STAMBPL1: variants seen among roughly 807,000 people sequenced by gnomAD.
STAMBPL1 encodes the protein AMSH-like protease.
In STAMBPL1, 44 loss-of-function variants were observed where a neutral mutation model predicts 52.9. That is an observed-to-expected ratio of 0.83 (90% CI 0.65 to 1.07). The LOEUF (loss-of-function observed/expected upper bound fraction) is 1.07. STAMBPL1 is among the 50% of genes least tolerant of loss of function. The pLI, the probability that STAMBPL1 is intolerant of heterozygous loss-of-function variation, is 0.00. For missense variants in STAMBPL1, 511 were observed against 520.8 expected, an observed-to-expected ratio of 0.98 and a Z score of 0.18; for synonymous variants, 164 against 177.3, an observed-to-expected ratio of 0.92 and a Z score of 0.60.
chr10:88,913,938 T>G (rs1845301357), intron 6 of STAMBPL1, among the ~76,000 whole-genome samples: 1 of 152,188 alleles, frequency 6.6e-6, no homozygotes, highest in Non-Finnish European at 1.5e-5. Flanking sequence ...ATGGACCGTG[T>G]GTTTCCGCAA....
chr10:88,918,708 G>A (rs555739188), intron 8 of STAMBPL1, among the ~76,000 whole-genome samples: 32 of 152,028 alleles, frequency 2.1e-4, no homozygotes, highest in Admixed American at 1.5e-3. Flanking sequence ...CTTATTTAGC[G>A]TAACATGATT....
At position 88,908,686 on chromosome 10, in the gene STAMBPL1, G is replaced by A. The variant is rs755591685; in HGVS notation, c.249-16G>A. On this transcript the variant is annotated splice_polypyrimidine_tract_variant and intron_variant, in intron 3 of 10. Transcript: ENST00000371926. ...TGCTGTCACATAATGCTAAGGACATGTTTTCTCTTCCTTAGCTTATTTGTA... is the reference window on the plus strand; with the variant it reads ...TGCTGTCACATAATGCTAAGGACATATTTTCTCTTCCTTAGCTTATTTGTA... The A allele has an allele frequency of 5.6e-6, 9 of 1,604,802 alleles. No individual in the cohort carries two copies. In the East Asian group the frequency reaches 1.8e-4, roughly 32 times the overall value.
chr10:88,914,681 T>TAAATATATATATAC (rs750932960), intron 7 of STAMBPL1, 23 bp downstream of exon 7: 2 of 948,268 alleles, frequency 2.1e-6, no homozygotes, highest in Non-Finnish European at 2.7e-6. Flanking sequence ...TATATAAATA[T>TAAATATATATATAC]ATATATATAT....
chr10:88,901,833 G>C, intron 2 of STAMBPL1, 95 bp downstream of exon 2: 1 of 1,272,468 alleles, frequency 7.9e-7, no homozygotes, highest in Non-Finnish European at 1.1e-6. Context: ...ATTACTTTAA[G>C]AAGTTTAGCA....
Position 88,892,356 on chromosome 10 carries a change from G to A in STAMBPL1, c.-53-9300G>A, listed in dbSNP as rs960373975. 2.2e-3 allele frequency among the ~76,000 whole-genome samples: 109 copies of A among 48,910 alleles called. 4 individuals carry two copies. In the Admixed American group the frequency reaches 0.026, roughly 12 times the overall value. 32.1% of individuals were successfully genotyped at this position (48,910 alleles called of 152,430 possible). A position where few individuals can be genotyped will look rare whatever the true frequency, so the allele number is the denominator to read the frequency against. ...TGTGTCTGTGTGTGTGCGTGTGCGT[G>A]TGTGTGTGTGTGTGTGTGTGTGGCC... is the stretch of plus-strand genomic sequence containing the variant. On this transcript the variant is annotated intron_variant, in intron 1 of 10. Transcript: ENST00000371926.
At chr10:88,917,004 G>T (rs981245001) in intron 8 of STAMBPL1, among the ~76,000 whole-genome samples, 187 bp downstream of exon 8, 10 of 152,032 alleles carry the variant, frequency 6.6e-5, no homozygotes, top group African/African-American at 2.4e-4. Flanking sequence ...AAAAATAAAG[G>T]TCATCATATT....
intron 8 of STAMBPL1, 88 bp downstream of exon 8, chr10:88,916,905 GCTT>G (rs2133208089): frequency 1.3e-5 from 17 of 1,309,076 alleles, no homozygotes; most frequent in Non-Finnish European, 1.6e-5. Context: ...CATTTAAATA[GCTT>G]CTTCTTTTTA....
intron 1 of STAMBPL1, among the ~76,000 whole-genome samples, chr10:88,900,305 G>A (rs978500039): frequency 6.6e-6 from 1 of 152,184 alleles, no homozygotes; most frequent in Admixed American, 6.5e-5. Flanking sequence ...GAACTGAGGA[G>A]AAGATCCATG....
intron 2 of STAMBPL1, among the ~76,000 whole-genome samples, chr10:88,904,412 A>G (rs182700459): frequency 2.7e-4 from 41 of 152,360 alleles, no homozygotes; most frequent in South Asian, 8.3e-4. Flanking sequence ...TACATGGACC[A>G]TGCTTTGAAA....
chr10:88,920,321 A>C (rs1845477654), intron 8 of STAMBPL1, among the ~76,000 whole-genome samples: 1 of 152,216 alleles, frequency 6.6e-6, no homozygotes, highest in African/African-American at 2.4e-5. Flanking sequence ...CTGTTCCAGG[A>C]ATTTTAATGG....
chr10:88,901,753 C>G lies in STAMBPL1; in HGVS notation c.30+15C>G. The G allele has an allele frequency of 1.9e-6, 3 of 1,610,304 alleles. No individual in the cohort carries two copies. Among genetic ancestry groups the G allele is most frequent in the Non-Finnish European group, 2.5e-6 (3 of 1,178,260 alleles). ...TGAATTCTCTGGTAGGTCACACCAG[C>G]TGATATCTAACATTTGGTTGGAAAG... is the stretch of plus-strand genomic sequence containing the variant. On this transcript the variant is annotated intron_variant, in intron 2 of 10. Transcript: ENST00000371926.
intron 4 of STAMBPL1, among the ~76,000 whole-genome samples, chr10:88,909,271 G>A (rs1845156328): frequency 6.6e-6 from 1 of 152,126 alleles, no homozygotes; most frequent in Non-Finnish European, 1.5e-5. Flanking sequence ...TACTATAAAG[G>A]AAAAAGAGTG....
At chr10:88,883,440 C>A (rs936062998) in intron 1 of STAMBPL1, among the ~76,000 whole-genome samples, 1 of 152,314 alleles carries the variant, frequency 6.6e-6, no homozygotes, top group Admixed American at 6.5e-5. Context: ...TGTGAACTGT[C>A]CAATTGAACG....
At chr10:88,898,834 G>T (rs1189688477) in intron 1 of STAMBPL1, among the ~76,000 whole-genome samples, 1 of 152,198 alleles carries the variant, frequency 6.6e-6, no homozygotes, top group Non-Finnish European at 1.5e-5. Flanking sequence ...GGAGGATAAA[G>T]TGCTAGATAT....
chr10:88,921,127 A>T (rs1334460256), intron 8 of STAMBPL1, among the ~76,000 whole-genome samples, 156 bp from the exon 9 acceptor site: 1 of 152,214 alleles, frequency 6.6e-6, no homozygotes, highest in Admixed American at 6.5e-5. Flanking sequence ...AATAGTTGGC[A>T]TAAAGGGAAG....
intron 10 of STAMBPL1, among the ~76,000 whole-genome samples, chr10:88,922,761 A>G (rs968962518): frequency 7.2e-5 from 11 of 152,278 alleles, no homozygotes; most frequent in African/African-American, 2.6e-4. Context: ...TGACATTTAA[A>G]ATGTTGCATG....
chr10:88,914,015 G>T (rs552368287), intron 6 of STAMBPL1, among the ~76,000 whole-genome samples: 5 of 152,236 alleles, frequency 3.3e-5, no homozygotes, highest in East Asian at 3.9e-4. Flanking sequence ...ATTCTTCTTC[G>T]CAGACACTGT....
At chr10:88,881,023 A>G (rs1844390902) in intron 1 of STAMBPL1, among the ~76,000 whole-genome samples, 1 of 151,868 alleles carries the variant, frequency 6.6e-6, no homozygotes, top group Admixed American at 6.5e-5. Flanking sequence ...ACCTTGGGAG[A>G]GACCACTGCA....
rs773601355 is a variant in STAMBPL1, at chr10:88,913,426, T to G, written c.746T>G (p.Leu249Ter). The G allele has an allele frequency of 6.2e-7, 1 of 1,613,362 alleles. No individual in the cohort carries two copies. The highest frequency in any genetic ancestry group is 8.5e-7 in the Non-Finnish European group (1 of 1,179,558). The change falls in exon 6 of 11, where the codon TTA (leucine) becomes TGA (stop). Residue 249 changes from leucine to a stop codon, truncating the protein, a stop_gained. Transcript: ENST00000371926. LOFTEE classifies it high-confidence loss of function. ...CACTCTCCTCCTGTAAACAGGGCCT[T>G]AACGCCAGCTGCTACTCTAAGTGCT... is the stretch of plus-strand genomic sequence containing the variant. ...ASHSPPVNRA[L>*]TPAATLSAVQ...
Sources: allele counts gnomAD v4.1 joint callset (sites outside exome capture counted in the v4.1 genomes callset), GRCh38; gene constraint gnomAD v4.1.1; transcripts MANE v1.5; gene names NCBI Gene and HGNC (gene_info 2026-07-23, HGNC 2026-07-21).